SLC16A7: variants seen among roughly 807,000 people sequenced by gnomAD.
The protein encoded by SLC16A7 is monocarboxylate transporter 2.
Under a neutral mutation model 34.9 loss-of-function variants are expected in SLC16A7, and 33 were observed. The ratio of observed to expected loss-of-function variants is 0.94; its 90% CI spans 0.72 to 1.26. The LOEUF (loss-of-function observed/expected upper bound fraction) is 1.26, where lower values mean the gene tolerates loss of function less well. Among genes scored for constraint, SLC16A7 ranks in the 50% most tolerant of loss-of-function variants. SLC16A7 has a pLI of 0.00. For synonymous variants in SLC16A7, 201 were observed against 206.6 expected (o/e 0.97, Z 0.23); for missense variants, 573 against 578.1 (o/e 0.99, Z 0.09).
intron 3 of SLC16A7, among the ~76,000 whole-genome samples, chr12:59,762,840 A>AC (rs71448595): frequency 0.23 from 35,044 of 151,392 alleles, 4,239 homozygotes; most frequent in East Asian, 0.31. Context: ...AAAAAATCTG[A>AC]TGCTCAGTAT....
intron 3 of SLC16A7, among the ~76,000 whole-genome samples, chr12:59,751,290 G>A (rs1271939205): frequency 6.6e-6 from 1 of 152,350 alleles, no homozygotes; most frequent in South Asian, 2.1e-4. Context: ...GCGAGCCGAA[G>A]CAGGGCGAGG....
chr12:59,694,006 G>A (rs544313618), intron 2 of SLC16A7, among the ~76,000 whole-genome samples: 1 of 151,918 alleles, frequency 6.6e-6, no homozygotes, highest in East Asian at 1.9e-4. Context: ...ATGGGATTAT[G>A]AAAATAAATT....
chr12:59,625,005 G>T (rs937316542), intron 1 of SLC16A7, among the ~76,000 whole-genome samples: 1 of 151,618 alleles, frequency 6.6e-6, no homozygotes, highest in Non-Finnish European at 1.5e-5. Flanking sequence ...TTAGCCATCT[G>T]GTTTCCCCTT....
chr12:59,749,289 G>A (rs956084137), intron 3 of SLC16A7, among the ~76,000 whole-genome samples: 6 of 152,150 alleles, frequency 3.9e-5, no homozygotes, highest in African/African-American at 1.4e-4. Context: ...CAGTCTTTTT[G>A]CTGTACAACA....
intron 1 of SLC16A7, among the ~76,000 whole-genome samples, chr12:59,618,835 T>C (rs1009047524): frequency 7.9e-5 from 12 of 152,024 alleles, no homozygotes; most frequent in African/African-American, 2.9e-4. Context: ...ATCACCTATT[T>C]TCCGTAAAAT....
chr12:59,683,976 A>G (rs1326636851), intron 2 of SLC16A7, among the ~76,000 whole-genome samples: 1 of 152,240 alleles, frequency 6.6e-6, no homozygotes, highest in African/African-American at 2.4e-5. Context: ...TTAGAAAGCT[A>G]TAGCTCATCT....
chr12:59,670,246 T>C (rs1395329484), intron 2 of SLC16A7, among the ~76,000 whole-genome samples: 1 of 152,194 alleles, frequency 6.6e-6, no homozygotes, highest in Non-Finnish European at 1.5e-5. Context: ...TCATCTGTCA[T>C]ACAGGATAAA....
intron 2 of SLC16A7, among the ~76,000 whole-genome samples, chr12:59,691,595 T>G (rs1592505947): frequency 1.3e-5 from 2 of 152,018 alleles, no homozygotes; most frequent in East Asian, 3.9e-4. Context: ...GTTGCTCAGA[T>G]TGCTCTGAGC....
rs138896000 is a variant in SLC16A7, at chr12:59,693,854, A to G, written c.-30-10918A>G. Among the ~76,000 whole-genome samples, 214 of 151,958 alleles carry G rather than the reference A, an allele frequency of 1.4e-3. 1 individual carries two copies. The highest frequency in any genetic ancestry group is 6.8e-3 in the Middle Eastern group (2 of 294). On this transcript the variant is annotated intron_variant, in intron 2 of 5. Coordinates refer to ENST00000547379, the MANE Select transcript of SLC16A7 (RefSeq NM_001270623.2). ...GTGTTATAGTGGAATCAGCAACAAA[A>G]GCCCTAATGAAAAAAAATACTAGTT...
At chr12:59,661,745 C>A (rs1372480685) in intron 2 of SLC16A7, among the ~76,000 whole-genome samples, 5 of 152,002 alleles carry the variant, frequency 3.3e-5, no homozygotes, top group Non-Finnish European at 5.9e-5. Context: ...CCACCCTCCC[C>A]CAATTAGGTT....
chr12:59,617,928 A>G (rs1252778459), intron 1 of SLC16A7, among the ~76,000 whole-genome samples: 1 of 151,994 alleles, frequency 6.6e-6, no homozygotes, highest in African/African-American at 2.4e-5. Flanking sequence ...GCATTGCCAC[A>G]TCATAGAGGC....
At chr12:59,662,777 A>T (rs932931381) in intron 2 of SLC16A7, among the ~76,000 whole-genome samples, 1 of 152,158 alleles carries the variant, frequency 6.6e-6, no homozygotes, top group African/African-American at 2.4e-5. Context: ...TTAATGTTAA[A>T]GTCAGTTCAT....
intron 2 of SLC16A7, among the ~76,000 whole-genome samples, chr12:59,678,969 G>C (rs1870532072): frequency 6.6e-6 from 1 of 152,232 alleles, no homozygotes; most frequent in Non-Finnish European, 1.5e-5. Context: ...CACACACCCA[G>C]CTGGGTTGCA....
At chr12:59,755,789 T>G (rs1880251481) in intron 3 of SLC16A7, among the ~76,000 whole-genome samples, 1 of 152,102 alleles carries the variant, frequency 6.6e-6, no homozygotes, top group Non-Finnish European at 1.5e-5. Context: ...AAAGGAGCCC[T>G]CATCGCCAAG....
intron 3 of SLC16A7, among the ~76,000 whole-genome samples, chr12:59,770,704 G>C (rs897249354): frequency 6.6e-6 from 1 of 151,926 alleles, no homozygotes; most frequent in African/African-American, 2.4e-5. Flanking sequence ...GAAAACAATA[G>C]GTGTCTTAGA....
intron 1 of SLC16A7, among the ~76,000 whole-genome samples, chr12:59,604,471 G>A (rs528368859): frequency 2.0e-5 from 3 of 152,288 alleles, no homozygotes; most frequent in East Asian, 1.9e-4. Context: ...CAACAAACAT[G>A]TCTTGTGTGT....
At chr12:59,640,343 G>C (rs1321913441) in intron 1 of SLC16A7, among the ~76,000 whole-genome samples, 1 of 151,998 alleles carries the variant, frequency 6.6e-6, no homozygotes, top group East Asian at 1.9e-4. Context: ...TTCATGATTA[G>C]AACTTTTGTG....
At chr12:59,715,874 T>A (rs1225421490) in intron 3 of SLC16A7, among the ~76,000 whole-genome samples, 1 of 152,212 alleles carries the variant, frequency 6.6e-6, no homozygotes, top group East Asian at 1.9e-4. Flanking sequence ...ACAGTTTGTT[T>A]ATCTGTTGTT....
intron 2 of SLC16A7, among the ~76,000 whole-genome samples, chr12:59,698,033 T>C (rs1872512341): frequency 1.3e-5 from 2 of 151,858 alleles, no homozygotes; most frequent in Admixed American, 6.6e-5. Context: ...GAAATGTTAT[T>C]TGAAGGCAAC....
Sources: gnomAD v4.1 joint callset for allele counts (sites outside exome capture counted in the v4.1 genomes callset) on GRCh38, gnomAD v4.1.1 for gene constraint, MANE v1.5 for transcripts, NCBI Gene and HGNC (gene_info 2026-07-23, HGNC 2026-07-21) for gene names.